ZKSCAN2: variants seen among roughly 807,000 people sequenced by gnomAD.
ZKSCAN2 encodes zinc finger with KRAB and SCAN domains 2, also known as zinc finger protein with KRAB and SCAN domains 2.
Under a neutral mutation model 90.5 loss-of-function variants are expected in ZKSCAN2, and 38 were observed. The observed-to-expected ratio is 0.42, with a 90% CI of 0.32 to 0.55. The LOEUF (loss-of-function observed/expected upper bound fraction) is 0.55. Among genes scored for constraint, ZKSCAN2 ranks in the 20% least tolerant of loss-of-function variants. The pLI is 0.11. For synonymous variants in ZKSCAN2, 429 were observed against 421.6 expected, an observed-to-expected ratio of 1.02 and a Z score of -0.22; for missense variants, 1,167 against 1,202.6, an observed-to-expected ratio of 0.97 and a Z score of 0.44.
chr16:25,256,339 CTTTTT>C (rs59703586), intron 1 of ZKSCAN2, among the ~76,000 whole-genome samples: 1 of 141,902 alleles, frequency 7.0e-6, no homozygotes, highest in African/African-American at 2.6e-5. Context: ...CGGATGAAGT[CTTTTT>C]TTTTTTTTTT....
intron 2 of ZKSCAN2, among the ~76,000 whole-genome samples, chr16:25,254,446 A>G (rs1963065354): frequency 6.6e-6 from 1 of 152,172 alleles, no homozygotes; most frequent in Non-Finnish European, 1.5e-5. Context: ...CTTGTATGCC[A>G]CTTCTGTGAT....
At chr16:25,241,197 A>C (rs1410356501) in intron 6 of ZKSCAN2, among the ~76,000 whole-genome samples, 1 of 152,186 alleles carries the variant, frequency 6.6e-6, no homozygotes, top group Middle Eastern at 3.2e-3. Flanking sequence ...TTCTTTTCAA[A>C]TGTTCTTCTC....
intron 6 of ZKSCAN2, among the ~76,000 whole-genome samples, chr16:25,242,435 C>T (rs894321145): frequency 1.3e-5 from 2 of 152,164 alleles, no homozygotes; most frequent in African/African-American, 4.8e-5. Context: ...AATTACCCTG[C>T]ATATTCAACT....
At chr16:25,244,370 A>AT in intron 5 of ZKSCAN2, 94 bp from the exon 6 acceptor site, 1 of 1,411,502 alleles carries the variant, frequency 7.1e-7, no homozygotes, top group Non-Finnish European at 9.5e-7. Context: ...GTAAAAAAAA[A>AT]TCCCATTCAC....
rs146756332 is a variant in ZKSCAN2, at chr16:25,246,484, A to C, written c.1489+223T>G. 5.7e-4 allele frequency: 332 copies of C among 586,586 alleles called. No homozygotes were observed. In the East Asian group the frequency reaches 8.7e-3, roughly 15 times the overall value. 36.3% of individuals were successfully genotyped at this position (586,586 alleles called of 1,614,324 possible). ...ACACTCAAAATCCATGCTGTGCTCT[A>C]AAGTGAAAACGACTTCTCCACGGCC... is the stretch of plus-strand genomic sequence containing the variant. On this transcript the variant is annotated intron_variant, in intron 5 of 6. Transcript: ENST00000328086.
At chr16:25,253,886 T>G (rs1963057526) in intron 2 of ZKSCAN2, among the ~76,000 whole-genome samples, 1 of 152,164 alleles carries the variant, frequency 6.6e-6, no homozygotes. Context: ...CACACGCCTG[T>G]AATCCCAGCT....
rs1962832342 is a variant in ZKSCAN2 at position 25,240,325 on chromosome 16, C to T, written c.2395G>A (p.Gly799Ser). Residue 799 changes from glycine (G) to serine (S), a missense_variant, in exon 7 of 7, where the codon GGC becomes AGC. Physicochemically the swap from Gly to Ser is moderately conservative, Grantham distance 56 (BLOSUM62 0). Coordinates refer to ENST00000328086, the MANE Select transcript of ZKSCAN2 (RefSeq NM_001012981.5). ...TCAAGACATTTAAAAGGTTTTTCGC[C>T]TGTGTGGATTCTTTGGTGTCTGATC... ...SLIRHQRIHT[G>S]EKPFKCLDCG... The T allele has an allele frequency of 1.2e-6, 2 of 1,613,968 alleles. No homozygotes were observed. Among genetic ancestry groups the T allele is most frequent in the African/African-American group, 2.7e-5 (2 of 74,906 alleles).
Position 25,246,819 on chromosome 16 carries a change from G to T in ZKSCAN2, c.1377C>A (p.Ser459Arg). The change falls in exon 5 of 7, where the codon AGC becomes AGA. Residue 459 changes from serine to arginine, a missense_variant. By Grantham distance (110) the Ser-to-Arg change is moderately radical (BLOSUM62 -1). Transcript: ENST00000328086. ...CTGCAGCTTCCTCCTCCTCCACCAA[G>T]CTGATGTGTTCCTTAGCACTGATGG... ...RIAISAKEHI[S>R]LVEEEEAAED... 6.2e-7 allele frequency: 1 copy of T among 1,614,154 alleles called. No individual in the cohort carries two copies. Among genetic ancestry groups the T allele is most frequent in the South Asian group, 1.1e-5 (1 of 91,082 alleles).
intron 2 of ZKSCAN2, among the ~76,000 whole-genome samples, 180 bp from the exon 3 acceptor site, chr16:25,253,217 A>G (rs1567354298): frequency 6.6e-6 from 1 of 152,162 alleles, no homozygotes; most frequent in African/African-American, 2.4e-5. Flanking sequence ...CACAGCCTCA[A>G]ATGCTTTCCG....
intron 5 of ZKSCAN2, among the ~76,000 whole-genome samples, chr16:25,245,186 C>A (rs911472058): frequency 3.3e-5 from 5 of 152,196 alleles, no homozygotes; most frequent in African/African-American, 1.2e-4. Context: ...CTCACTGAAG[C>A]CTTGAACTCC....
Position 25,252,974 on chromosome 16 carries a change from G to A in ZKSCAN2, c.650C>T (p.Thr217Ile). Reference sequence around the variant, plus strand: ...GGACCCAGCAGGAAGCCGTGTGGTTGTCACTTCCTGATCTAGGGTATTCCA... The same window carrying A: ...GGACCCAGCAGGAAGCCGTGTGGTTATCACTTCCTGATCTAGGGTATTCCA... Reference protein sequence around the residue: ...DEWNTLDQEVTTTRLPAGSQE... With the variant: ...DEWNTLDQEVITTRLPAGSQE... Residue 217 changes from threonine (T) to isoleucine (I), a missense_variant, in exon 3 of 7, where the codon ACA becomes ATA. Transcript: ENST00000328086. 1.2e-6 allele frequency: 2 copies of A among 1,613,984 alleles called. No homozygotes were observed. Among genetic ancestry groups the A allele is most frequent in the Non-Finnish European group, 1.7e-6 (2 of 1,179,906 alleles).
rs1174751990 is a variant in ZKSCAN2 at position 25,238,327 on chromosome 16, C to T, written c.*1489G>A. On this transcript the variant is annotated 3_prime_UTR_variant, in exon 7 of 7. Transcript: ENST00000328086. The stretch of plus-strand genomic sequence containing the variant: ...TTCTCCCTTGCCAAAGCAAAGCCAC[C>T]CTGGGTCACCTACATACTAAGGGAA... 2.6e-5 allele frequency: 4 copies of T among 152,190 alleles called. No individual in the cohort carries two copies. Among genetic ancestry groups the T allele is most frequent in the Non-Finnish European group, 4.4e-5 (3 of 68,022 alleles). 9.4% of individuals were successfully genotyped at this position (152,190 alleles called of 1,614,324 possible). A position where few individuals can be genotyped will look rare whatever the true frequency, so the allele number is the denominator to read the frequency against.
chr16:25,244,145 A>G lies in ZKSCAN2; in HGVS notation c.1621T>C (p.Cys541Arg), dbSNP rs751644314. The change falls in exon 6 of 7, where the codon TGC (cysteine) becomes CGC (arginine). Residue 541 changes from cysteine (C) to arginine (R), a missense_variant. Transcript: ENST00000328086. ...TGTTCTGGTGTCCGGAGGAAGCCGC[A>G]CTCTCGAAGCTGTTCAGCTACAGCC... ...YGAVAEQLRE[C>R]GFLRTPEQCR... 2.5e-6 allele frequency: 4 copies of G among 1,613,592 alleles called. No homozygotes were observed. The highest frequency in any genetic ancestry group is 3.3e-5 in the Admixed American group (2 of 59,944).
chr16:25,249,353 G>A (rs546525549), intron 4 of ZKSCAN2, among the ~76,000 whole-genome samples: 3 of 152,226 alleles, frequency 2.0e-5, no homozygotes, highest in Non-Finnish European at 2.9e-5. Flanking sequence ...GCAGTGGCAC[G>A]ATCTCGACTT....
rs61746620 is a variant in ZKSCAN2 at position 25,244,045 on chromosome 16, G to A, written c.1721C>T (p.Ala574Val). The A allele has an allele frequency of 1.0e-4, 165 of 1,614,028 alleles. No homozygotes were observed. The East Asian group carries it at 1.9e-3, about 19-fold the overall frequency. Residue 574 changes from alanine (A) to valine (V), a missense_variant, in exon 6 of 7, where the codon GCG becomes GTG. Ala to Val is a moderately conservative substitution (Grantham distance 64, BLOSUM62 0). Coordinates refer to ENST00000328086, the MANE Select transcript of ZKSCAN2 (RefSeq NM_001012981.5). ...VKNGHVLESC[A>V]FYKEMDALIN... The stretch of plus-strand genomic sequence containing the variant: ...CAGGGCATCCATCTCCTTGTAGAAC[G>A]CGCAGGACTCTAGCACGTGGCCATT...
In ZKSCAN2 at chr16:25,240,720, C is replaced by T. The variant is rs1319692860; in HGVS notation, c.2000G>A (p.Ser667Asn). 1 of 1,601,966 alleles carries T rather than the reference C, an allele frequency of 6.2e-7. No individual in the cohort carries two copies. The change falls in exon 7 of 7, where the codon AGC becomes AAC. Residue 667 changes from serine to asparagine, a missense_variant. By Grantham distance (46) the Ser-to-Asn change is conservative (BLOSUM62 1). Coordinates refer to ENST00000328086, the MANE Select transcript of ZKSCAN2 (RefSeq NM_001012981.5). ...QSPNDFEIGS[S>N]IKEDPTQIVY... ...TATCTGTGTTGGATCCTCCTTGATG[C>T]TACTTCCGATTTCAAAATCTGAAAA...
At chr16:25,252,399 A>G (rs982018860) in intron 3 of ZKSCAN2, among the ~76,000 whole-genome samples, 1 of 152,154 alleles carries the variant, frequency 6.6e-6, no homozygotes, top group African/African-American at 2.4e-5. Flanking sequence ...GAGTATATTT[A>G]AGGTAAGTAA....
At chr16:25,249,435 C>A (rs1049067802) in intron 4 of ZKSCAN2, among the ~76,000 whole-genome samples, 8 of 152,022 alleles carry the variant, frequency 5.3e-5, no homozygotes, top group African/African-American at 1.9e-4. Context: ...AGGCACCCAC[C>A]ACCACACCTG....
chr16:25,253,084 T>A, intron 2 of ZKSCAN2, 47 bp from the exon 3 acceptor site: 2 of 1,383,986 alleles, frequency 1.4e-6, no homozygotes, highest in Non-Finnish European at 2.1e-6. Flanking sequence ...TTTGACCCTT[T>A]AATTCATGCT....
Sources: gnomAD v4.1 joint callset for allele counts (sites outside exome capture counted in the v4.1 genomes callset) on GRCh38, gnomAD v4.1.1 for gene constraint, MANE v1.5 for transcripts, NCBI Gene and HGNC (gene_info 2026-07-23, HGNC 2026-07-21) for gene names.